The following GSE1 variants were observed in gnomAD, a reference collection of about 807,000 sequenced individuals.
GSE1 encodes the protein Gse1 coiled-coil protein, also known as genetic suppressor element 1.
In GSE1, 32 loss-of-function variants were observed where a neutral mutation model predicts 112.6. That is an observed-to-expected ratio of 0.28 (90% CI 0.21 to 0.38). The LOEUF (loss-of-function observed/expected upper bound fraction) is 0.38, where lower values mean the gene tolerates loss of function less well. Ranked by LOEUF, GSE1 falls within the 10% of genes least tolerant of loss-of-function variation. GSE1 has a pLI of 1.00. For synonymous variants in GSE1, 1,115 were observed against 735.6 expected, an observed-to-expected ratio of 1.52 and a Z score of -8.35; for missense variants, 2,348 against 1,699.2, an observed-to-expected ratio of 1.38 and a Z score of -6.71.
At chr16:85,660,871 C>T (rs974267274) in intron 8 of GSE1, among the ~76,000 whole-genome samples, 12 of 152,050 alleles carry the variant, frequency 7.9e-5, no homozygotes, top group Non-Finnish European at 1.6e-4. Context: ...ACCTTGTGAT[C>T]CACCCTCCTC....
chr16:85,196,754 C>T (rs1419695557), intron 1 of GSE1, among the ~76,000 whole-genome samples: 1 of 152,070 alleles, frequency 6.6e-6, no homozygotes, highest in Non-Finnish European at 1.5e-5. Flanking sequence ...TCCCATTAGG[C>T]CCTGTGTTTA....
intron 3 of GSE1, among the ~76,000 whole-genome samples, chr16:85,650,321 C>T (rs907396124): frequency 4.6e-5 from 7 of 152,142 alleles, no homozygotes; most frequent in East Asian, 1.9e-4. Flanking sequence ...CTGAATCACC[C>T]GACTCAAACA....
chr16:85,569,648 C>T (rs1422488548), intron 1 of GSE1, among the ~76,000 whole-genome samples: 1 of 152,218 alleles, frequency 6.6e-6, no homozygotes, highest in African/African-American at 2.4e-5. Context: ...AGCGCAGGAC[C>T]TCCTGGGACT....
chr16:85,344,263 A>G (rs974815656), intron 1 of GSE1, among the ~76,000 whole-genome samples: 2 of 152,148 alleles, frequency 1.3e-5, no homozygotes, highest in Non-Finnish European at 2.9e-5. Context: ...GGCAGAGAAC[A>G]TTTCTGGGAG....
chr16:85,476,718 C>G (rs1319606526), intron 2 of GSE1, among the ~76,000 whole-genome samples: 2 of 151,962 alleles, frequency 1.3e-5, no homozygotes, highest in African/African-American at 2.4e-5. Context: ...AGTCGATCTT[C>G]CCACCGCAGC....
At position 85,635,708 on chromosome 16, in the gene GSE1, G is replaced by A. The variant is rs75189640; in HGVS notation, c.226+1576G>A. 7.9e-3 allele frequency among the ~76,000 whole-genome samples: 1,210 copies of A among 152,282 alleles called. 3 individuals carry two copies. The highest frequency in any genetic ancestry group is 0.015 in the South Asian group (72 of 4,826). ...GTGAGGGATTTCCGAGGCCACGGGC[G>A]GCACGTGACTGGCGCTGGTGCTACC... On this transcript the variant is annotated intron_variant, in intron 2 of 15. Transcript: ENST00000253458.
At chr16:85,175,566 C>T (rs1355203384) in intron 1 of GSE1, among the ~76,000 whole-genome samples, 2 of 152,186 alleles carry the variant, frequency 1.3e-5, no homozygotes, top group Non-Finnish European at 2.9e-5. Context: ...ACGCCCCCTT[C>T]CCCCCGCCCC....
intron 2 of GSE1, among the ~76,000 whole-genome samples, chr16:85,420,620 C>G (rs1177886403): frequency 6.6e-6 from 1 of 152,164 alleles, no homozygotes; most frequent in Admixed American, 6.5e-5. Context: ...ACTGGAGGGC[C>G]TGCAGCAGAT....
intron 1 of GSE1, among the ~76,000 whole-genome samples, chr16:85,275,973 C>A (rs1909321939): frequency 6.6e-6 from 1 of 152,248 alleles, no homozygotes; most frequent in Admixed American, 6.5e-5. Context: ...CTTTCTATGT[C>A]CTTGGCCTCA....
chr16:85,555,804 G>T (rs1223878388), upstream of GSE1: 16 of 813,796 alleles, frequency 2.0e-5, no homozygotes, highest in African/African-American at 2.1e-4. Flanking sequence ...CCTGGGGGCT[G>T]TTTTTTTTTT....
intron 2 of GSE1, among the ~76,000 whole-genome samples, chr16:85,529,363 G>A (rs908829006): frequency 1.3e-5 from 2 of 152,236 alleles, no homozygotes; most frequent in African/African-American, 4.8e-5. Flanking sequence ...TCAGCCTGCA[G>A]CCATGTTTTC....
At chr16:85,335,137 C>T (rs1029474863) in intron 1 of GSE1, among the ~76,000 whole-genome samples, 1 of 152,272 alleles carries the variant, frequency 6.6e-6, no homozygotes. Context: ...CTGTTAATCG[C>T]TCATGTTGAT....
chr16:85,331,587 A>ATATGTATG (rs1372311857), intron 1 of GSE1, among the ~76,000 whole-genome samples: 1 of 135,096 alleles, frequency 7.4e-6, no homozygotes, highest in South Asian at 2.4e-4. Flanking sequence ...ACATGTGTAT[A>ATATGTATG]TATGTGTATA....
Position 85,304,610 on chromosome 16 carries a change from G to GGC in GSE1, c.2284-52852_2284-52851insCG, listed in dbSNP as rs1555557468. Among the ~76,000 whole-genome samples, 4 of 124,574 alleles carry GGC rather than the reference G, an allele frequency of 3.2e-5. 1 individual carries two copies. Among genetic ancestry groups the GGC allele is most frequent in the Non-Finnish European group, 7.0e-5 (4 of 57,298 alleles). The allele number at this position is 124,574 out of a possible 152,430, so 81.7% of individuals were successfully genotyped here. A position where few individuals can be genotyped will look rare whatever the true frequency, so the allele number is the denominator to read the frequency against. ...GCTGCCAAGCCGGGGGCGGGGGGGT[G>GGC]GGGCATCCCTTTTGCCTTGAGTCCA... On this transcript the variant is annotated intron_variant, in intron 1 of 2. Transcript: ENST00000637419.
intron 1 of GSE1, among the ~76,000 whole-genome samples, chr16:85,321,231 G>C (rs1289759039): frequency 6.6e-6 from 1 of 152,168 alleles, no homozygotes; most frequent in Non-Finnish European, 1.5e-5. Context: ...TGCTCGTGTA[G>C]CTCAAGTGTG....
intron 2 of GSE1, among the ~76,000 whole-genome samples, chr16:85,407,898 G>A (rs1168367923): frequency 2.7e-5 from 1 of 37,086 alleles, no homozygotes; most frequent in Non-Finnish European, 5.1e-5. Context: ...TACACTCAGG[G>A]CCCCCCTGGA....
rs556241181 is a variant in GSE1, at chr16:85,673,065, C to G, written c.*526C>G. 1 of 152,024 alleles carries G rather than the reference C, an allele frequency of 6.6e-6. No homozygotes were observed. The allele number at this position is 152,024 out of a possible 1,614,324, so 9.4% of individuals were successfully genotyped here. Reference sequence around the variant, plus strand: ...GGCTTATTTGTTTCATTTTACTTTCCTGCAAAATTTTCTTCAAAGCAACAA... The same window carrying G: ...GGCTTATTTGTTTCATTTTACTTTCGTGCAAAATTTTCTTCAAAGCAACAA... On this transcript the variant is annotated 3_prime_UTR_variant, in exon 16 of 16. Transcript: ENST00000253458.
At position 85,673,370 on chromosome 16, in the gene GSE1, C is replaced by CT. The variant is rs1295753862; in HGVS notation, c.*834dup. ...AACAAAGTTTTGTATGTTTTTATTA[C>CT]TTTAACTATTGTTATAAAAAGCCTG... On this transcript the variant is annotated 3_prime_UTR_variant, in exon 16 of 16. Transcript: ENST00000253458. 1 of 149,296 alleles carries CT rather than the reference C, an allele frequency of 6.7e-6. No individual in the cohort carries two copies. Among genetic ancestry groups the CT allele is most frequent in the Non-Finnish European group, 1.5e-5 (1 of 67,568 alleles). 9.2% of individuals were successfully genotyped at this position (149,296 alleles called of 1,614,324 possible).
intron 1 of GSE1, among the ~76,000 whole-genome samples, chr16:85,215,296 A>G (rs1226497054): frequency 2.0e-5 from 3 of 152,178 alleles, no homozygotes; most frequent in Non-Finnish European, 4.4e-5. Flanking sequence ...GTGAAGTAAC[A>G]TAGGAATGGA....
Sources: allele counts gnomAD v4.1 joint callset (sites outside exome capture counted in the v4.1 genomes callset), GRCh38; gene constraint gnomAD v4.1.1; transcripts MANE v1.5; gene names NCBI Gene and HGNC (gene_info 2026-07-23, HGNC 2026-07-21).